CHST11: variants seen among roughly 807,000 people sequenced by gnomAD.
The protein encoded by CHST11 is carbohydrate sulfotransferase 11, also known as C4S-1.
A neutral mutation model predicts 30.4 loss-of-function variants in CHST11; 9 were observed. The ratio of observed to expected loss-of-function variants is 0.30; its 90% confidence interval spans 0.18 to 0.52. CHST11 has a LOEUF of 0.52. Among genes scored for constraint, CHST11 ranks in the 20% least tolerant of loss-of-function variants. The probability of loss-of-function intolerance (pLI) is 0.97; values close to 1 mark genes in which losing one functional copy is unlikely to be tolerated. For synonymous variants in CHST11, 152 were observed against 187.8 expected, an observed-to-expected ratio of 0.81 and a Z score of 1.56; for missense variants, 348 against 460.6, an observed-to-expected ratio of 0.76 and a Z score of 2.24.
intron 1 of CHST11, among the ~76,000 whole-genome samples, chr12:104,462,232 C>G (rs895715338): frequency 1.5e-5 from 2 of 130,574 alleles, no homozygotes; most frequent in African/African-American, 2.9e-5. Flanking sequence ...AGAAGAAAAA[C>G]AATCATTATT....
At chr12:104,613,517 A>G (rs535834554) in intron 2 of CHST11, among the ~76,000 whole-genome samples, 35 of 152,226 alleles carry the variant, frequency 2.3e-4, no homozygotes, top group African/African-American at 7.9e-4. Flanking sequence ...TGCTGTTCTC[A>G]TGATAGTGAG....
chr12:104,559,515 G>A (rs553871104), intron 1 of CHST11, among the ~76,000 whole-genome samples: 1 of 152,314 alleles, frequency 6.6e-6, no homozygotes, highest in South Asian at 2.1e-4. Flanking sequence ...GGCCAAGGCA[G>A]GTGAATCACC....
At chr12:104,636,731 C>T (rs1224983217) in intron 2 of CHST11, among the ~76,000 whole-genome samples, 1 of 152,044 alleles carries the variant, frequency 6.6e-6, no homozygotes, top group African/African-American at 2.4e-5. Context: ...GTATCTAGCT[C>T]ATGGTATTGT....
rs1439489189 is a variant in CHST11 at position 104,531,465 on chromosome 12, CA to C, written c.119-70426del. Among the ~76,000 whole-genome samples, 743 of 119,856 alleles carry C rather than the reference CA, an allele frequency of 6.2e-3. 11 individuals carry two copies. The highest frequency in any genetic ancestry group is 0.021 in the African/African-American group (639 of 30,720). The allele number at this position is 119,856 out of a possible 152,430, so 78.6% of individuals were successfully genotyped here. On this transcript the variant is annotated intron_variant, in intron 1 of 2. Coordinates refer to ENST00000303694, the MANE Select transcript of CHST11 (RefSeq NM_018413.6). Reference sequence around the variant, plus strand: ...TGGCAACAGAGGGAGATCCTGTGTCCAAAAAAAAAAAAAAAGAGAGAGAGAG... The same window carrying C: ...TGGCAACAGAGGGAGATCCTGTGTCCAAAAAAAAAAAAAAGAGAGAGAGAG...
At chr12:104,659,799 C>T (rs933569810) in intron 2 of CHST11, among the ~76,000 whole-genome samples, 12 of 149,830 alleles carry the variant, frequency 8.0e-5, no homozygotes, top group African/African-American at 2.0e-4. Context: ...GACCCCCCCC[C>T]GCCCCCACCA....
chr12:104,606,174 G>GT (rs2039002718), intron 2 of CHST11, among the ~76,000 whole-genome samples: 37 of 70,304 alleles, frequency 5.3e-4, no homozygotes, highest in African/African-American at 1.5e-3. Context: ...GGGGCGGGGG[G>GT]CGGGGGGGGG....
chr12:104,673,135 T>G (rs548288973), intron 2 of CHST11, among the ~76,000 whole-genome samples: 1 of 152,294 alleles, frequency 6.6e-6, no homozygotes, highest in African/African-American at 2.4e-5. Context: ...TCTGTCTTCT[T>G]TTTTGTCTCT....
chr12:104,480,202 C>T (rs769738155), intron 1 of CHST11, among the ~76,000 whole-genome samples: 14 of 150,918 alleles, frequency 9.3e-5, no homozygotes, highest in Middle Eastern at 6.8e-3. Flanking sequence ...GTGTCCCCGC[C>T]CCCCCCTCCA....
intron 2 of CHST11, among the ~76,000 whole-genome samples, chr12:104,606,638 C>A (rs1028896537): frequency 6.6e-6 from 1 of 152,218 alleles, no homozygotes; most frequent in African/African-American, 2.4e-5. Context: ...TTTATTTTTC[C>A]CGGGTGAAAA....
At chr12:104,657,994 A>G (rs1215599393) in intron 2 of CHST11, among the ~76,000 whole-genome samples, 1 of 152,166 alleles carries the variant, frequency 6.6e-6, no homozygotes, top group Non-Finnish European at 1.5e-5. Context: ...TCAGGGACGC[A>G]GCCCACCTTC....
intron 2 of CHST11, among the ~76,000 whole-genome samples, chr12:104,675,630 G>T (rs1487333745): frequency 5.3e-5 from 8 of 152,204 alleles, no homozygotes; most frequent in Admixed American, 2.6e-4. Context: ...TCCAGGGGTT[G>T]AAGAACCACT....
At chr12:104,698,535 C>T (rs2039967109) in intron 2 of CHST11, among the ~76,000 whole-genome samples, 1 of 152,188 alleles carries the variant, frequency 6.6e-6, no homozygotes, top group South Asian at 2.1e-4. Context: ...CCAAAGTTCT[C>T]ACCCATCTCT....
intron 1 of CHST11, among the ~76,000 whole-genome samples, chr12:104,553,796 A>G (rs1434574575): frequency 6.6e-6 from 1 of 152,238 alleles, no homozygotes; most frequent in African/African-American, 2.4e-5. Flanking sequence ...TATCAGCTGC[A>G]TAACAAATTG....
Position 104,603,446 on chromosome 12 carries a change from A to G in CHST11, c.204+1455A>G, listed in dbSNP as rs368029569. Among the ~76,000 whole-genome samples, 364 of 152,344 alleles carry G rather than the reference A, an allele frequency of 2.4e-3. 3 individuals carry two copies. The highest frequency in any genetic ancestry group is 7.8e-3 in the African/African-American group (324 of 41,582). On this transcript the variant is annotated intron_variant, in intron 2 of 2. Coordinates refer to ENST00000303694, the MANE Select transcript of CHST11 (RefSeq NM_018413.6). Reference sequence around the variant, plus strand: ...CACCGCCCCTGTGGATGGAAGGTCCATGGACTGCGTCTGTCCTGTTCACTG... The same window carrying G: ...CACCGCCCCTGTGGATGGAAGGTCCGTGGACTGCGTCTGTCCTGTTCACTG...
intron 2 of CHST11, among the ~76,000 whole-genome samples, chr12:104,619,758 A>G (rs1721648681): frequency 6.6e-6 from 1 of 152,240 alleles, no homozygotes; most frequent in Non-Finnish European, 1.5e-5. Context: ...CTCCGGGTTC[A>G]GAAAGGGTTA....
At chr12:104,632,616 G>A (rs1288341430) in intron 2 of CHST11, among the ~76,000 whole-genome samples, 5 of 152,224 alleles carry the variant, frequency 3.3e-5, no homozygotes, top group Non-Finnish European at 7.3e-5. Context: ...ATCACTTTAT[G>A]TGATGGGTTC....
At chr12:104,524,649 C>CCCAT (rs954177674) in intron 1 of CHST11, among the ~76,000 whole-genome samples, 22 of 151,914 alleles carry the variant, frequency 1.4e-4, no homozygotes, top group East Asian at 1.4e-3. Flanking sequence ...CATTCATCCA[C>CCCAT]CCATCCATCC....
At chr12:104,560,411 T>C (rs7957648) in intron 1 of CHST11, among the ~76,000 whole-genome samples, 55,508 of 151,870 alleles carry the variant, frequency 0.37, 10,870 homozygotes, top group East Asian at 0.8. Flanking sequence ...GGTTGAGCCA[T>C]GGGGGGGTTC....
intron 2 of CHST11, among the ~76,000 whole-genome samples, chr12:104,653,934 A>G (rs1249466243): frequency 2.0e-5 from 3 of 152,194 alleles, no homozygotes; most frequent in African/African-American, 7.2e-5. Flanking sequence ...CAGGGGGCCA[A>G]GATTCTTTTC....
Sources: allele counts gnomAD v4.1 joint callset (sites outside exome capture counted in the v4.1 genomes callset), GRCh38; gene constraint gnomAD v4.1.1; transcripts MANE v1.5; gene names NCBI Gene and HGNC (gene_info 2026-07-23, HGNC 2026-07-21).